The following SULF2 variants were observed in gnomAD, a reference collection of about 807,000 sequenced individuals.
The protein encoded by SULF2 is sulfatase 2.
SULF2 carries 52 observed loss-of-function variants against 107.7 expected under a neutral mutation model. The ratio of observed to expected loss-of-function variants is 0.48; its 90% CI spans 0.39 to 0.61. The LOEUF is 0.61. Ranked by LOEUF, SULF2 falls within the 20% of genes least tolerant of loss-of-function variation. SULF2 has a pLI of 0.00. For missense variants in SULF2, 993 were observed against 1,177.3 expected, an observed-to-expected ratio of 0.84 and a Z score of 2.29; for synonymous variants, 460 against 464.3, an observed-to-expected ratio of 0.99 and a Z score of 0.12.
chr20:47,757,163 T>A, intron 2 of SULF2, 26 bp downstream of exon 2: 1 of 1,534,938 alleles, frequency 6.5e-7, no homozygotes, highest in East Asian at 2.5e-5. Flanking sequence ...GGGGCCGAGG[T>A]GCCACCCTGG....
chr20:47,674,305 G>A (rs2087570000), intron 10 of SULF2, among the ~76,000 whole-genome samples: 1 of 152,180 alleles, frequency 6.6e-6, no homozygotes, highest in Admixed American at 6.5e-5. Context: ...GGCTTGACTT[G>A]GGGTCCCTAC....
rs780112623 is a variant in SULF2 at position 47,663,083 on chromosome 20, G to A, written c.2357C>T (p.Thr786Ile). 6.2e-7 allele frequency: 1 copy of A among 1,614,144 alleles called. No homozygotes were observed. Among genetic ancestry groups the A allele is most frequent in the Non-Finnish European group, 8.5e-7 (1 of 1,180,024 alleles). The change falls in exon 17 of 21, where the codon ACA (threonine) becomes ATA (isoleucine). Residue 786 changes from threonine to isoleucine, a missense_variant. Thr to Ile is a moderately conservative substitution (Grantham distance 89). Coordinates refer to ENST00000688720, the MANE Select transcript of SULF2 (RefSeq NM_001387048.1). ...TGFLEYFDLN[T>I]DPYQLMNAVN... ...GGTTGCCTGTACCTGGTAGGGGTCTGTGTTGAGATCAAAGTACTCTAGGAA... is the reference window on the plus strand; with the variant it reads ...GGTTGCCTGTACCTGGTAGGGGTCTATGTTGAGATCAAAGTACTCTAGGAA...
intron 4 of SULF2, among the ~76,000 whole-genome samples, chr20:47,700,637 C>CTTTTTTTTTTTTTTTTTTTTTTTTTTTTT: frequency 7.9e-6 from 1 of 126,210 alleles, no homozygotes; most frequent in Non-Finnish European, 1.6e-5. Flanking sequence ...GGTGCAACAT[C>CTTTTTTTTTTTTTTTTTTTTTTTTTTTTT]TTTTTTTTTT....
At chr20:47,690,317 G>A in intron 4 of SULF2, 22 bp from the exon 5 acceptor site, 1 of 1,432,190 alleles carries the variant, frequency 7.0e-7, no homozygotes, top group Non-Finnish European at 9.3e-7. Flanking sequence ...GGAGAGACAG[G>A]AGAACAGGTG....
chr20:47,764,916 A>G (rs2090496041), intron 1 of SULF2, among the ~76,000 whole-genome samples: 1 of 152,146 alleles, frequency 6.6e-6, no homozygotes, highest in Non-Finnish European at 1.5e-5. Context: ...CCACCTTGTG[A>G]GTTGGGATGC....
chr20:47,690,652 C>G (rs2088166879), intron 4 of SULF2, among the ~76,000 whole-genome samples: 1 of 152,086 alleles, frequency 6.6e-6, no homozygotes, highest in South Asian at 2.1e-4. Context: ...GTGAGCAGAT[C>G]ACCTGAGGTC....
At position 47,737,051 on chromosome 20, in the gene SULF2, C is replaced by T. The variant is rs1042346114; in HGVS notation, c.176-109G>A. ...CTAGGTCTGGAGTGGGCACATTCTGCAGACCTACGGGGCAGACGGGGCAGG... is the reference window on the plus strand; with the variant it reads ...CTAGGTCTGGAGTGGGCACATTCTGTAGACCTACGGGGCAGACGGGGCAGG... On this transcript the variant is annotated intron_variant, in intron 2 of 20. Coordinates refer to ENST00000688720, the MANE Select transcript of SULF2 (RefSeq NM_001387048.1). The T allele has an allele frequency of 2.0e-6, 3 of 1,514,756 alleles. No individual in the cohort carries two copies. In the African/African-American group the frequency reaches 4.1e-5, roughly 21 times the overall value. The allele number at this position is 1,514,756 out of a possible 1,614,324, so 93.8% of individuals were successfully genotyped here.
chr20:47,659,737 G>T lies in SULF2; in HGVS notation c.2495-7C>A. On this transcript the variant is annotated splice_region_variant and splice_polypyrimidine_tract_variant and intron_variant, in intron 18 of 20. Transcript: ENST00000688720. ...CTTCCTCCATCTTTAAGTCCTAAAT[G>T]AAGGAGAAATGAAAAACAAAACAGG... 1 of 1,611,908 alleles carries T rather than the reference G, an allele frequency of 6.2e-7. No individual in the cohort carries two copies. Among genetic ancestry groups the T allele is most frequent in the Non-Finnish European group, 8.5e-7 (1 of 1,178,514 alleles).
At chr20:47,685,607 T>G (rs2087973815) in intron 5 of SULF2, 3 of 152,008 alleles carry the variant, frequency 2.0e-5, no homozygotes, top group Admixed American at 2.0e-4. Context: ...CTTTGCCTCC[T>G]GGGTTCAAGT....
intron 4 of SULF2, among the ~76,000 whole-genome samples, chr20:47,695,839 C>T (rs1602666358): frequency 6.6e-6 from 1 of 152,236 alleles, no homozygotes; most frequent in East Asian, 1.9e-4. Flanking sequence ...TCTCGAACTC[C>T]TGGCCTCAAG....
chr20:47,751,199 C>T (rs551187290), intron 2 of SULF2, among the ~76,000 whole-genome samples: 1 of 152,356 alleles, frequency 6.6e-6, no homozygotes, highest in African/African-American at 2.4e-5. Flanking sequence ...GCAGCTGCTT[C>T]AGAGAGCGCC....
At chr20:47,701,101 C>T (rs1337334914) in intron 4 of SULF2, among the ~76,000 whole-genome samples, 1 of 152,178 alleles carries the variant, frequency 6.6e-6, no homozygotes, top group Non-Finnish European at 1.5e-5. Flanking sequence ...CCAAAATGTC[C>T]ATGAGTTGTT....
chr20:47,752,126 C>T (rs935837442), intron 2 of SULF2, among the ~76,000 whole-genome samples: 4 of 152,162 alleles, frequency 2.6e-5, no homozygotes, highest in Admixed American at 2.0e-4. Flanking sequence ...ATTTTAATGT[C>T]GTTTTGATAT....
Position 47,678,748 on chromosome 20 carries a change from C to A in SULF2, c.1121G>T (p.Gly374Val). The A allele has an allele frequency of 6.2e-7, 1 of 1,613,990 alleles. No homozygotes were observed. Among genetic ancestry groups the A allele is most frequent in the Non-Finnish European group, 8.5e-7 (1 of 1,179,988 alleles). ...DLAPTILDIA[G>V]LDIPADMDGK... ...GTCCATATCCGCAGGTATGTCCAGG[C>A]CTGCAATGTCCAGGATGGTGGGGGC... is the stretch of plus-strand genomic sequence containing the variant. Residue 374 changes from glycine to valine, a missense_variant, in exon 8 of 21, where the codon GGC becomes GTC. Gly to Val is a moderately radical substitution (Grantham distance 109). This residue lies in a region of SULF2 where 108 missense variants were observed against 183.9 expected (regional missense o/e 0.59). Transcript: ENST00000688720. This position sits in a 1 kb window ranked among gnomAD's most constrained non-coding sequence, Gnocchi z 4.5.
chr20:47,670,840 A>C (rs2087446075), intron 11 of SULF2, among the ~76,000 whole-genome samples: 1 of 151,634 alleles, frequency 6.6e-6, no homozygotes, highest in African/African-American at 2.4e-5. Context: ...TGGATACTTA[A>C]AAATGGTTAA....
At chr20:47,668,065 A>C (rs1019004110) in intron 11 of SULF2, among the ~76,000 whole-genome samples, 6 of 152,136 alleles carry the variant, frequency 3.9e-5, no homozygotes, top group Admixed American at 3.9e-4. Context: ...TCCCGATGCA[A>C]GTACACAAAT....
intron 3 of SULF2, among the ~76,000 whole-genome samples, chr20:47,725,752 C>G (rs1042637950): frequency 2.0e-5 from 3 of 152,228 alleles, no homozygotes; most frequent in African/African-American, 7.2e-5. Context: ...TTTGGGCTAC[C>G]TGCCAGCCCT....
At chr20:47,783,600 ATGT>A (rs1194867718) in intron 1 of SULF2, among the ~76,000 whole-genome samples, 1 of 152,198 alleles carries the variant, frequency 6.6e-6, no homozygotes. Context: ...AAAATTTAAC[ATGT>A]TATTAGGGTT....
At chr20:47,689,403 A>G (rs966676868) in intron 5 of SULF2, 5 of 152,296 alleles carry the variant, frequency 3.3e-5, no homozygotes, top group African/African-American at 1.2e-4. Flanking sequence ...GGGTGAGGCC[A>G]GCTATCATGC....
Sources: gnomAD v4.1 joint callset for allele counts (sites outside exome capture counted in the v4.1 genomes callset) on GRCh38, gnomAD v4.1.1 for gene constraint, gnomAD v4.1.1 regional missense constraint, Gnocchi (gnomAD v3.1) non-coding constraint, MANE v1.5 for transcripts, NCBI Gene and HGNC (gene_info 2026-07-23, HGNC 2026-07-21) for gene names.